GABRG1: variants seen among roughly 807,000 people sequenced by gnomAD.
GABRG1 encodes gamma-aminobutyric acid type A receptor subunit gamma1, also known as gamma-aminobutyric acid receptor subunit gamma-1.
A neutral mutation model predicts 49.8 loss-of-function variants in GABRG1; 49 were observed. The observed-to-expected ratio is 0.98, with a 90% CI of 0.78 to 1.25. GABRG1 has a LOEUF of 1.25. Ranked by LOEUF, GABRG1 falls within the 50% of genes most tolerant of loss-of-function variation. GABRG1 has a pLI of 0.00. For missense variants in GABRG1, 552 were observed against 552.3 expected, an observed-to-expected ratio of 1.00 and a Z score of 0.01; for synonymous variants, 232 against 185.1, an observed-to-expected ratio of 1.25 and a Z score of -2.06.
chr4:46,113,296 G>C (rs1201890496), intron 1 of GABRG1, among the ~76,000 whole-genome samples: 2 of 151,068 alleles, frequency 1.3e-5, no homozygotes, highest in Non-Finnish European at 3.0e-5. Flanking sequence ...TGAAGGCAAA[G>C]GGGAAGCAAG....
In GABRG1 at chr4:46,038,455, G is replaced by A. The variant is rs1353951767; in HGVS notation, c.*2533C>T. ...CCAATTCTTTATATCTAATTTTGGG[G>A]TCTATGTTAGCATTAAAAACATTGA... On this transcript the variant is annotated 3_prime_UTR_variant, in exon 9 of 9. Coordinates refer to ENST00000295452, the MANE Select transcript of GABRG1 (RefSeq NM_173536.4). 1 of 151,388 alleles carries A rather than the reference G, an allele frequency of 6.6e-6. No homozygotes were observed. The highest frequency in any genetic ancestry group is 2.4e-5 in the African/African-American group (1 of 41,314). The allele number at this position is 151,388 out of a possible 1,614,324, so 9.4% of individuals were successfully genotyped here. A position where few individuals can be genotyped will look rare whatever the true frequency, so the allele number is the denominator to read the frequency against.
In GABRG1 at chr4:46,109,993, T is replaced by G. The variant is rs534995762; in HGVS notation, c.105-12644A>C. On this transcript the variant is annotated intron_variant, in intron 1 of 8. Transcript: ENST00000295452. ...ATGAGAAAAATGTATATTCTCTGGTTGATGGGAAGAGTGTTCTACAGATAT... is the reference window on the plus strand; with the variant it reads ...ATGAGAAAAATGTATATTCTCTGGTGGATGGGAAGAGTGTTCTACAGATAT... Among the ~76,000 whole-genome samples the G allele has an allele frequency of 2.0e-5, 3 of 151,144 alleles. No homozygotes were observed. The South Asian group carries it at 6.2e-4, about 31-fold the overall frequency.
chr4:46,105,145 CACAA>C (rs1560372348), intron 1 of GABRG1, among the ~76,000 whole-genome samples: 1 of 151,224 alleles, frequency 6.6e-6, no homozygotes, highest in Non-Finnish European at 1.5e-5. Flanking sequence ...AAATCCAAAG[CACAA>C]ACAAAGAGAA....
At chr4:46,063,262 C>T (rs1718779999) in intron 5 of GABRG1, among the ~76,000 whole-genome samples, 1 of 152,028 alleles carries the variant, frequency 6.6e-6, no homozygotes, top group African/African-American at 2.4e-5. Context: ...TACCTGACTT[C>T]AAACTATACT....
At chr4:46,069,918 A>G (rs772091791) in intron 3 of GABRG1, among the ~76,000 whole-genome samples, 10 of 152,208 alleles carry the variant, frequency 6.6e-5, no homozygotes, top group Admixed American at 1.3e-4. Context: ...GTTGCATTTA[A>G]CCTGAAACCT....
Position 46,058,305 on chromosome 4 carries a change from C to T in GABRG1, c.828G>A (p.Gln276=), listed in dbSNP as rs1407823217. The T allele has an allele frequency of 1.9e-6, 3 of 1,613,192 alleles. No homozygotes were observed. The highest frequency in any genetic ancestry group is 2.5e-6 in the Non-Finnish European group (3 of 1,179,504). Residue 276 remains glutamine (Q), a synonymous_variant, in exon 7 of 9, where the codon CAG becomes CAA. Coordinates refer to ENST00000295452, the MANE Select transcript of GABRG1 (RefSeq NM_173536.4). ...CTGTCAGAATGCATGGAATGTAGGTCTGAATAGTGAAATATCCCATTCTTC... is the reference window on the plus strand; with the variant it reads ...CTGTCAGAATGCATGGAATGTAGGTTTGAATAGTGAAATATCCCATTCTTC... ...LSRRMGYFTI[Q]TYIPCILTVV...
In GABRG1 at chr4:46,041,218, G is replaced by C; in HGVS notation, c.1168C>G (p.Pro390Ala). 3 of 1,612,556 alleles carry C rather than the reference G, an allele frequency of 1.9e-6. No individual in the cohort carries two copies. Residue 390 changes from proline (P) to alanine (A), a missense_variant, in exon 9 of 9, where the codon CCA (proline) becomes GCA (alanine). Physicochemically the swap from Pro to Ala is conservative, Grantham distance 27 (BLOSUM62 -1). Transcript: ENST00000295452. ...PGLHPGSTLI[P>A]MNNISVPQED... is the part of the protein sequence containing the mutation. ...TGCGGCACAGAAATATTATTCATTG[G>C]AATCAGAGTGGATCCAGGATGGAGA...
chr4:46,064,289 A>G (rs1034978067), intron 5 of GABRG1, 152 bp downstream of exon 5: 6 of 459,664 alleles, frequency 1.3e-5, no homozygotes, highest in African/African-American at 1.0e-4. Context: ...AAAAGCAAGA[A>G]GCAAATATAT....
chr4:46,117,329 A>C (rs1315782608), intron 1 of GABRG1, among the ~76,000 whole-genome samples: 1 of 150,492 alleles, frequency 6.6e-6, no homozygotes, highest in African/African-American at 2.4e-5. Flanking sequence ...AAAAATGTCA[A>C]ATCTCAGAAT....
At chr4:46,085,188 T>A (rs1220562750) in intron 2 of GABRG1, among the ~76,000 whole-genome samples, 1 of 151,536 alleles carries the variant, frequency 6.6e-6, no homozygotes, top group Non-Finnish European at 1.5e-5. Flanking sequence ...AGGGAAATTG[T>A]TCCTGGGACA....
chr4:46,076,362 C>T (rs1497563), intron 3 of GABRG1, among the ~76,000 whole-genome samples: 43,153 of 78,554 alleles, frequency 0.55, 10,646 homozygotes, highest in Non-Finnish European at 0.57. Flanking sequence ...AGGTCATGTT[C>T]ATATATATAT....
chr4:46,071,911 G>T (rs560001274), intron 3 of GABRG1, among the ~76,000 whole-genome samples: 1 of 151,928 alleles, frequency 6.6e-6, no homozygotes, highest in African/African-American at 2.4e-5. Context: ...AATTAATTTA[G>T]TGTATTCTAA....
intron 1 of GABRG1, among the ~76,000 whole-genome samples, chr4:46,102,207 A>G (rs1720402927): frequency 1.3e-5 from 2 of 151,754 alleles, no homozygotes; most frequent in South Asian, 4.1e-4. Context: ...AAAATTTGCC[A>G]CTTGGTTCTC....
chr4:46,056,142 T>TAA (rs1212876586), intron 7 of GABRG1, among the ~76,000 whole-genome samples: 1 of 5,742 alleles, frequency 1.7e-4, no homozygotes, highest in African/African-American at 1.3e-3. Context: ...AAAAAATAAA[T>TAA]AAATAAATTA....
intron 2 of GABRG1, among the ~76,000 whole-genome samples, chr4:46,092,635 C>G (rs955224327): frequency 6.6e-6 from 1 of 151,808 alleles, no homozygotes; most frequent in Non-Finnish European, 1.5e-5. Flanking sequence ...CTGCATTAAC[C>G]ACTCCATTTA....
intron 3 of GABRG1, among the ~76,000 whole-genome samples, chr4:46,072,187 G>T (rs1259237657): frequency 6.6e-6 from 1 of 152,020 alleles, no homozygotes. Context: ...TTACAGGTTT[G>T]TATCCTAGAA....
chr4:46,091,849 A>T (rs545487270), intron 2 of GABRG1, among the ~76,000 whole-genome samples: 1 of 152,214 alleles, frequency 6.6e-6, no homozygotes, highest in East Asian at 1.9e-4. Flanking sequence ...CAATATAAAT[A>T]TGAAAACAAA....
chr4:46,115,372 T>G (rs1720851210), intron 1 of GABRG1, among the ~76,000 whole-genome samples: 1 of 150,748 alleles, frequency 6.6e-6, no homozygotes, highest in Non-Finnish European at 1.5e-5. Flanking sequence ...AAATGCTAAT[T>G]AGCTCTTTTA....
At chr4:46,098,419 A>G (rs963291147) in intron 1 of GABRG1, among the ~76,000 whole-genome samples, 3 of 151,790 alleles carry the variant, frequency 2.0e-5, no homozygotes, top group African/African-American at 7.2e-5. Flanking sequence ...GTAAATCTGT[A>G]ATTTTCCAGA....
Sources: gnomAD v4.1 joint callset for allele counts (sites outside exome capture counted in the v4.1 genomes callset) on GRCh38, gnomAD v4.1.1 for gene constraint, MANE v1.5 for transcripts, NCBI Gene and HGNC (gene_info 2026-07-23, HGNC 2026-07-21) for gene names.